Variants in GABRB2 observed in about 807,000 individuals in gnomAD.
GABRB2 encodes the protein gamma-aminobutyric acid type A receptor subunit beta2.
In GABRB2, 16 loss-of-function variants were observed where a neutral mutation model predicts 54.7. The ratio of observed to expected loss-of-function variants is 0.29; its 90% CI spans 0.20 to 0.44. The LOEUF is 0.44. GABRB2 is among the 20% of genes least tolerant of loss of function. The pLI is 1.00. For missense variants in GABRB2, 355 were observed against 644.0 expected (o/e 0.55, Z 4.86); for synonymous variants, 244 against 233.8 (o/e 1.04, Z -0.40).
chr5:161,328,763 G>T (rs2113393769), intron 8 of GABRB2, among the ~76,000 whole-genome samples: 1 of 152,172 alleles, frequency 6.6e-6, no homozygotes, highest in African/African-American at 2.4e-5. Flanking sequence ...ACTGCCAAAT[G>T]TGTAGCAGCA....
intron 3 of GABRB2, among the ~76,000 whole-genome samples, chr5:161,460,865 A>T (rs1023019003): frequency 2.0e-5 from 3 of 152,160 alleles, no homozygotes; most frequent in African/African-American, 7.2e-5. Flanking sequence ...GAATGGTGAC[A>T]AAAAGCTTTT....
intron 9 of GABRB2, among the ~76,000 whole-genome samples, chr5:161,300,332 G>T (rs1435077098): frequency 6.6e-6 from 1 of 151,982 alleles, no homozygotes; most frequent in African/African-American, 2.4e-5. Context: ...GTTTTCATAA[G>T]GTACTTTCTA....
chr5:161,412,489 C>T (rs72813553), intron 4 of GABRB2, among the ~76,000 whole-genome samples: 1 of 152,154 alleles, frequency 6.6e-6, no homozygotes, highest in Non-Finnish European at 1.5e-5. Flanking sequence ...CCCAGCCACT[C>T]TATTCACTGC....
intron 4 of GABRB2, among the ~76,000 whole-genome samples, chr5:161,453,612 G>A (rs1276798805): frequency 6.6e-6 from 1 of 152,168 alleles, no homozygotes; most frequent in Non-Finnish European, 1.5e-5. Context: ...ATTTTCTGCT[G>A]TTTACAAAGC....
chr5:161,426,143 G>C lies in GABRB2; in HGVS notation c.459-15086C>G, dbSNP rs74920135. 1.9e-3 allele frequency among the ~76,000 whole-genome samples: 295 copies of C among 152,144 alleles called. 3 individuals are homozygous for C. The highest frequency in any genetic ancestry group is 5.9e-3 in the African/African-American group (246 of 41,514). On this transcript the variant is annotated intron_variant, in intron 4 of 9. Transcript: ENST00000393959. ...CACACAGGCACCGAGGGCAAGAATG[G>C]GATTATAGAAATCAAGCAGTGCTGG...
In GABRB2 at chr5:161,437,633, T is replaced by C. The variant is rs73800509; in HGVS notation, c.458+21991A>G. On this transcript the variant is annotated intron_variant, in intron 4 of 9. Transcript: ENST00000393959. The stretch of plus-strand genomic sequence containing the variant: ...TCCAGGACCTGACACTTGGACAGCA[T>C]TTCTGGACCTGCCCTGGGCCAGAGG... Among the ~76,000 whole-genome samples the C allele has an allele frequency of 5.1e-3, 781 of 152,106 alleles. 10 individuals carry two copies. Among genetic ancestry groups the C allele is most frequent in the African/African-American group, 0.017 (710 of 41,514 alleles).
chr5:161,289,518 G>A lies in GABRB2; in HGVS notation c.*4563C>T, dbSNP rs537170952. 1 of 151,564 alleles carries A rather than the reference G, an allele frequency of 6.6e-6. No homozygotes were observed. The highest frequency in any genetic ancestry group is 2.1e-4 in the South Asian group (1 of 4,800). 9.4% of individuals were successfully genotyped at this position (151,564 alleles called of 1,614,324 possible). A position where few individuals can be genotyped will look rare whatever the true frequency, so the allele number is the denominator to read the frequency against. On this transcript the variant is annotated 3_prime_UTR_variant, in exon 10 of 10. Coordinates refer to ENST00000393959, the MANE Select transcript of GABRB2 (RefSeq NM_001371727.1). The stretch of plus-strand genomic sequence containing the variant: ...AGTGTATATTGTGTAACACATTTCT[G>A]GAGCTGGTAGGAATAACCATTTTTA...
At chr5:161,304,301 A>C (rs575332388) in intron 9 of GABRB2, among the ~76,000 whole-genome samples, 1 of 152,362 alleles carries the variant, frequency 6.6e-6, no homozygotes, top group East Asian at 1.9e-4. Flanking sequence ...AATTTAATTT[A>C]TTAAAAATTT....
At chr5:161,327,993 C>T (rs1758419590) in intron 8 of GABRB2, among the ~76,000 whole-genome samples, 1 of 152,124 alleles carries the variant, frequency 6.6e-6, no homozygotes, top group Admixed American at 6.5e-5. Context: ...ACCTTTCATG[C>T]TGGGTGAACA....
chr5:161,451,921 A>T (rs762962506), intron 4 of GABRB2, among the ~76,000 whole-genome samples: 1 of 152,180 alleles, frequency 6.6e-6, no homozygotes, highest in Non-Finnish European at 1.5e-5. Flanking sequence ...TAAGAACTAT[A>T]GTTTCTAAAT....
chr5:161,416,344 G>A (rs1047448960), intron 4 of GABRB2, among the ~76,000 whole-genome samples: 3 of 151,970 alleles, frequency 2.0e-5, no homozygotes, highest in South Asian at 2.1e-4. Flanking sequence ...GAAAACCTCA[G>A]AATCATAATC....
intron 3 of GABRB2, among the ~76,000 whole-genome samples, chr5:161,526,578 T>A (rs1387237779): frequency 1.3e-5 from 2 of 151,378 alleles, no homozygotes; most frequent in African/African-American, 2.4e-5. Context: ...TTTTTTTTTT[T>A]ATTTCTATAA....
At chr5:161,486,292 A>C (rs1758919087) in intron 3 of GABRB2, among the ~76,000 whole-genome samples, 1 of 152,008 alleles carries the variant, frequency 6.6e-6, no homozygotes. Flanking sequence ...TTGTTTGGAA[A>C]TAAGCACCAT....
intron 4 of GABRB2, among the ~76,000 whole-genome samples, chr5:161,433,774 A>AGGT (rs1757237506): frequency 6.6e-6 from 1 of 152,190 alleles, no homozygotes; most frequent in Admixed American, 6.5e-5. Flanking sequence ...ATTTATTTAC[A>AGGT]GGTTCTTTCC....
chr5:161,445,307 C>A (rs945522054), intron 4 of GABRB2, among the ~76,000 whole-genome samples: 1 of 152,152 alleles, frequency 6.6e-6, no homozygotes, highest in Non-Finnish European at 1.5e-5. Context: ...TCTCTTCTTG[C>A]AAGCACAGGA....
At chr5:161,321,875 T>A (rs1361489909) in intron 9 of GABRB2, among the ~76,000 whole-genome samples, 2 of 152,214 alleles carry the variant, frequency 1.3e-5, no homozygotes, top group African/African-American at 4.8e-5. Context: ...AAACTTGTTA[T>A]ACATACCTGT....
intron 5 of GABRB2, among the ~76,000 whole-genome samples, chr5:161,410,215 G>A (rs2113111573): frequency 6.6e-6 from 1 of 152,126 alleles, no homozygotes; most frequent in Admixed American, 6.5e-5. Context: ...GACTCAAAAT[G>A]TTCTTCTACC....
intron 3 of GABRB2, among the ~76,000 whole-genome samples, chr5:161,467,668 A>T (rs982074891): frequency 2.0e-5 from 3 of 152,096 alleles, no homozygotes; most frequent in Non-Finnish European, 4.4e-5. Flanking sequence ...ATTTCCAAAG[A>T]TTGGAATACC....
chr5:161,506,166 T>C (rs867973919), intron 3 of GABRB2, among the ~76,000 whole-genome samples: 81 of 152,130 alleles, frequency 5.3e-4, no homozygotes, highest in African/African-American at 1.9e-3. Flanking sequence ...TCTCATAAAC[T>C]TTATAAAAAC....
Sources: gnomAD v4.1 joint callset for allele counts (sites outside exome capture counted in the v4.1 genomes callset) on GRCh38, gnomAD v4.1.1 for gene constraint, MANE v1.5 for transcripts, NCBI Gene and HGNC (gene_info 2026-07-23, HGNC 2026-07-21) for gene names.